Variants in APBA1 observed in about 807,000 individuals in gnomAD.
The protein encoded by APBA1 is amyloid beta precursor protein binding family A member 1.
Under a neutral mutation model 86.6 loss-of-function variants are expected in APBA1, and 55 were observed. That is an observed-to-expected ratio of 0.64 (90% confidence interval 0.51 to 0.80). The LOEUF is 0.80. APBA1 is among the 30% of genes least tolerant of loss of function. The pLI is 0.00. For synonymous variants in APBA1, 511 were observed against 493.9 expected, an observed-to-expected ratio of 1.03 and a Z score of -0.46; for missense variants, 1,090 against 1,183.0, an observed-to-expected ratio of 0.92 and a Z score of 1.15.
chr9:69,520,414 A>G (rs1588338007), intron 1 of APBA1, among the ~76,000 whole-genome samples: 1 of 152,210 alleles, frequency 6.6e-6, no homozygotes, highest in East Asian at 1.9e-4. Flanking sequence ...AATTCTACAT[A>G]TAGAAGTCTA....
intron 1 of APBA1, among the ~76,000 whole-genome samples, chr9:69,576,648 T>C (rs953003487): frequency 6.6e-6 from 1 of 152,080 alleles, no homozygotes; most frequent in East Asian, 1.9e-4. Context: ...TAGGTAGGAA[T>C]TGAACAATGA....
At chr9:69,612,917 AAAAAG>A (rs1223443724) in intron 1 of APBA1, among the ~76,000 whole-genome samples, 2 of 152,244 alleles carry the variant, frequency 1.3e-5, no homozygotes, top group South Asian at 2.1e-4. Context: ...AAAGCAGGTT[AAAAAG>A]AAAAGTGAAT....
intron 7 of APBA1, 83 bp from the exon 8 acceptor site, chr9:69,456,515 A>T (rs564013390): frequency 7.1e-7 from 1 of 1,416,054 alleles, no homozygotes; most frequent in Non-Finnish European, 9.6e-7. Flanking sequence ...CAGCCAGTCA[A>T]GTATGGTTCG....
intron 10 of APBA1, 23 bp from the exon 11 acceptor site, chr9:69,441,138 TG>T (rs1834815172): frequency 6.2e-7 from 1 of 1,607,054 alleles, no homozygotes; most frequent in African/African-American, 1.3e-5. Flanking sequence ...TAAAGTACAG[TG>T]GGTATGGTGA....
At chr9:69,485,869 G>A (rs1835600229) in intron 2 of APBA1, among the ~76,000 whole-genome samples, 3 of 152,074 alleles carry the variant, frequency 2.0e-5, no homozygotes, top group Admixed American at 6.5e-5. Flanking sequence ...GACAAGAAAT[G>A]TATCATCCTG....
chr9:69,501,653 C>CAT (rs1401274763), intron 2 of APBA1, among the ~76,000 whole-genome samples: 1 of 150,934 alleles, frequency 6.6e-6, no homozygotes, highest in Non-Finnish European at 1.5e-5. Context: ...CACACACACA[C>CAT]ACACACACAC....
chr9:69,494,700 T>C (rs779590690), intron 2 of APBA1, among the ~76,000 whole-genome samples: 3 of 152,120 alleles, frequency 2.0e-5, no homozygotes, highest in Non-Finnish European at 4.4e-5. Context: ...CCCACACTCA[T>C]TCCCAGACCA....
At chr9:69,617,434 G>A (rs1254558083) in intron 1 of APBA1, among the ~76,000 whole-genome samples, 1 of 151,942 alleles carries the variant, frequency 6.6e-6, no homozygotes, top group Non-Finnish European at 1.5e-5. Context: ...TATTTATCCT[G>A]GATAATCAAT....
At chr9:69,440,153 C>T (rs1195723117) in intron 11 of APBA1, among the ~76,000 whole-genome samples, 1 of 152,176 alleles carries the variant, frequency 6.6e-6, no homozygotes, top group African/African-American at 2.4e-5. Flanking sequence ...AGTTTTGTCT[C>T]AGAGGAGTAC....
At chr9:69,484,879 C>T (rs1835581199) in intron 2 of APBA1, among the ~76,000 whole-genome samples, 1 of 152,114 alleles carries the variant, frequency 6.6e-6, no homozygotes, top group African/African-American at 2.4e-5. Flanking sequence ...GCACCCAATG[C>T]TTTCTTCATT....
intron 1 of APBA1, among the ~76,000 whole-genome samples, chr9:69,651,835 T>C (rs1412354969): frequency 1.3e-5 from 2 of 152,066 alleles, no homozygotes; most frequent in Non-Finnish European, 2.9e-5. Flanking sequence ...TGTTGAAGAG[T>C]TGGCAGAGTG....
intron 1 of APBA1, among the ~76,000 whole-genome samples, chr9:69,596,056 T>C (rs755734952): frequency 1.3e-5 from 2 of 152,164 alleles, no homozygotes; most frequent in Admixed American, 6.5e-5. Context: ...GGTGTGATCA[T>C]AGCTCACTGT....
rs186007265 is a variant in APBA1, at chr9:69,440,981, A to G, written c.2301+15T>C. 3.1e-4 allele frequency: 501 copies of G among 1,611,200 alleles called. 1 individual carries two copies. The African/African-American group carries it at 5.5e-3, about 18-fold the overall frequency. On this transcript the variant is annotated intron_variant, in intron 11 of 12. Transcript: ENST00000265381. ...TCAACATTGTGGAAAAGGGTGTGGA[A>G]GGTGTTCTACTTACAATTCCATTCT...
chr9:69,588,544 A>G (rs1451434094), intron 1 of APBA1, among the ~76,000 whole-genome samples: 1 of 59,878 alleles, frequency 1.7e-5, no homozygotes, highest in Non-Finnish European at 4.3e-5. Flanking sequence ...TGAAGATGAG[A>G]AAAAAAAACA....
chr9:69,433,151 G>C (rs1834634782), intron 11 of APBA1, among the ~76,000 whole-genome samples: 1 of 152,210 alleles, frequency 6.6e-6, no homozygotes, highest in African/African-American at 2.4e-5. Context: ...TCCAAAGTGT[G>C]GCTGGCTGGA....
intron 1 of APBA1, among the ~76,000 whole-genome samples, chr9:69,659,761 A>G (rs557473696): frequency 1.3e-4 from 20 of 152,350 alleles, no homozygotes; most frequent in African/African-American, 4.6e-4. Context: ...ACTAGACATC[A>G]TCTACCATAG....
At chr9:69,481,641 A>G (rs1835510726) in intron 2 of APBA1, among the ~76,000 whole-genome samples, 1 of 150,974 alleles carries the variant, frequency 6.6e-6, no homozygotes, top group Admixed American at 6.6e-5. Flanking sequence ...ATATGGAACC[A>G]AAAAAGAGCC....
rs183960823 is a variant in APBA1 at position 69,440,726 on chromosome 9, C to G, written c.2301+270G>C. 3.8e-4 allele frequency among the ~76,000 whole-genome samples: 58 copies of G among 152,296 alleles called. 1 individual carries two copies. The East Asian group carries it at 0.01, about 26-fold the overall frequency. On this transcript the variant is annotated intron_variant, in intron 11 of 12. Transcript: ENST00000265381. ...AAAGGGAATTCCCTGACCCCTTGCG[C>G]TTCCCGGGTGAGGCGATGCCTTGTC...
chr9:69,669,542 T>C (rs747584801), intron 1 of APBA1, among the ~76,000 whole-genome samples: 1 of 152,194 alleles, frequency 6.6e-6, no homozygotes, highest in Non-Finnish European at 1.5e-5. Context: ...ACCAGTCCGA[T>C]CTTTAGAAAA....
Sources: allele counts gnomAD v4.1 joint callset (sites outside exome capture counted in the v4.1 genomes callset), GRCh38; gene constraint gnomAD v4.1.1; transcripts MANE v1.5; gene names NCBI Gene and HGNC (gene_info 2026-07-23, HGNC 2026-07-21).